The following GRIK3 variants were observed in gnomAD, a reference collection of about 807,000 sequenced individuals.
GRIK3 encodes the protein glutamate ionotropic receptor kainate type subunit 3.
Under a neutral mutation model 102.5 loss-of-function variants are expected in GRIK3, and 29 were observed. That is an observed-to-expected ratio of 0.28 (90% confidence interval 0.21 to 0.39). GRIK3 has a LOEUF of 0.39. Among genes scored for constraint, GRIK3 ranks in the 10% least tolerant of loss-of-function variants. GRIK3 has a pLI of 1.00. For synonymous variants in GRIK3, 511 were observed against 504.9 expected (o/e 1.01, Z -0.16); for missense variants, 908 against 1,252.4 (o/e 0.73, Z 4.15).
intron 1 of GRIK3, among the ~76,000 whole-genome samples, chr1:36,926,445 C>A (rs1641528708): frequency 6.6e-6 from 1 of 151,614 alleles, no homozygotes; most frequent in Non-Finnish European, 1.5e-5. Context: ...GGCTGGAGTG[C>A]AACAGTATGA....
In GRIK3 at chr1:36,959,993, C is replaced by T. The variant is rs1217264813; in HGVS notation, c.116-68897G>A. Reference sequence around the variant, plus strand: ...AGTCTATGCCCCATGAGCCTCTGTGCCCCGTGAGTCTGTGTGCCCCATAAG... The same window carrying T: ...AGTCTATGCCCCATGAGCCTCTGTGTCCCGTGAGTCTGTGTGCCCCATAAG... On this transcript the variant is annotated intron_variant, in intron 1 of 15. Transcript: ENST00000373091. Among the ~76,000 whole-genome samples, 59 of 104,986 alleles carry T rather than the reference C, an allele frequency of 5.6e-4. 6 individuals are homozygous for T. The highest frequency in any genetic ancestry group is 4.5e-4 in the Non-Finnish European group (23 of 51,060). 68.9% of individuals were successfully genotyped at this position (104,986 alleles called of 152,430 possible). A position where few individuals can be genotyped will look rare whatever the true frequency, so the allele number is the denominator to read the frequency against.
chr1:36,833,260 C>T (rs1187472750), intron 10 of GRIK3, among the ~76,000 whole-genome samples: 2 of 152,202 alleles, frequency 1.3e-5, no homozygotes, highest in Admixed American at 1.3e-4. Context: ...CTGTCCCCTG[C>T]CTGCCTCTCT....
intron 5 of GRIK3, among the ~76,000 whole-genome samples, chr1:36,865,855 AAGAGGAAAGTC>A (rs1226975004): frequency 6.6e-6 from 1 of 152,148 alleles, no homozygotes; most frequent in Non-Finnish European, 1.5e-5. Context: ...CAAATGTGTA[AAGAGGAAAGTC>A]AGAGGGCTTT....
At chr1:36,842,168 A>C (rs1372373035) in intron 9 of GRIK3, among the ~76,000 whole-genome samples, 2 of 152,180 alleles carry the variant, frequency 1.3e-5, no homozygotes, top group Non-Finnish European at 2.9e-5. Context: ...GTAGGCACTT[A>C]CTGATTTAAT....
chr1:36,953,513 C>A (rs917446800), intron 1 of GRIK3, among the ~76,000 whole-genome samples: 1 of 151,914 alleles, frequency 6.6e-6, no homozygotes, highest in Admixed American at 6.6e-5. Flanking sequence ...AGGGTGAGGG[C>A]TAGGGCATAC....
At chr1:36,931,754 C>T (rs944517433) in intron 1 of GRIK3, among the ~76,000 whole-genome samples, 1 of 152,196 alleles carries the variant, frequency 6.6e-6, no homozygotes, top group Non-Finnish European at 1.5e-5. Flanking sequence ...CACAGAGCGG[C>T]GTGTGCAGCC....
intron 9 of GRIK3, among the ~76,000 whole-genome samples, chr1:36,843,690 C>T (rs1420224268): frequency 6.6e-6 from 1 of 152,192 alleles, no homozygotes; most frequent in African/African-American, 2.4e-5. Flanking sequence ...TTCTGACTCC[C>T]CTGAGCCTCC....
intron 2 of GRIK3, among the ~76,000 whole-genome samples, chr1:36,890,123 C>A (rs1473461075): frequency 6.6e-6 from 1 of 152,058 alleles, no homozygotes; most frequent in Non-Finnish European, 1.5e-5. Context: ...CAGGGTGGGG[C>A]ACCTCTTGTC....
At chr1:36,902,870 A>T (rs537358816) in intron 1 of GRIK3, among the ~76,000 whole-genome samples, 2 of 152,098 alleles carry the variant, frequency 1.3e-5, no homozygotes, top group South Asian at 4.2e-4. Context: ...GCTCACTGCA[A>T]CCCCTGCCTC....
intron 5 of GRIK3, 66 bp downstream of exon 5, chr1:36,869,682 G>A: frequency 4.0e-6 from 5 of 1,241,550 alleles, no homozygotes; most frequent in Non-Finnish European, 3.6e-6. Context: ...CCCAGGCTAA[G>A]CCACAATGAA....
At chr1:36,861,996 C>G (rs550382258) in intron 5 of GRIK3, among the ~76,000 whole-genome samples, 1 of 152,050 alleles carries the variant, frequency 6.6e-6, no homozygotes, top group Non-Finnish European at 1.5e-5. Flanking sequence ...ATCTTCACAG[C>G]CCCCTGTGAA....
At chr1:36,853,846 AT>A in intron 7 of GRIK3, 124 bp from the exon 8 acceptor site, 1 of 654,536 alleles carries the variant, frequency 1.5e-6, no homozygotes, top group South Asian at 1.8e-5. Context: ...ACCATGATTA[AT>A]TAATAATCAC....
At chr1:36,921,027 A>T (rs952807649) in intron 1 of GRIK3, among the ~76,000 whole-genome samples, 1 of 152,206 alleles carries the variant, frequency 6.6e-6, no homozygotes, top group East Asian at 1.9e-4. Context: ...GCAAGTGCCC[A>T]TCTGGAGGTG....
At chr1:36,997,102 T>C (rs1642428331) in intron 1 of GRIK3, among the ~76,000 whole-genome samples, 1 of 151,746 alleles carries the variant, frequency 6.6e-6, no homozygotes, top group Non-Finnish European at 1.5e-5. Context: ...ACCCCAAGGG[T>C]TCAGGGAGCC....
At chr1:36,830,854 A>G (rs1395343906) in intron 10 of GRIK3, among the ~76,000 whole-genome samples, 3 of 151,466 alleles carry the variant, frequency 2.0e-5, no homozygotes, top group African/African-American at 7.3e-5. Flanking sequence ...GGATGCACAG[A>G]TACACACAGA....
chr1:36,926,548 G>A (rs748064781), intron 1 of GRIK3, among the ~76,000 whole-genome samples: 13 of 152,008 alleles, frequency 8.6e-5, no homozygotes, highest in Admixed American at 4.6e-4. Context: ...ACACCACTAT[G>A]CCTGGCTAAT....
chr1:36,913,115 C>T (rs1641363834), intron 1 of GRIK3, among the ~76,000 whole-genome samples: 1 of 152,174 alleles, frequency 6.6e-6, no homozygotes, highest in Non-Finnish European at 1.5e-5. Context: ...GGGCCATGTG[C>T]CTGGCATGAG....
intron 1 of GRIK3, among the ~76,000 whole-genome samples, chr1:36,907,193 G>A (rs1272090737): frequency 6.6e-6 from 1 of 152,070 alleles, no homozygotes; most frequent in East Asian, 1.9e-4. Flanking sequence ...TCAGGGCCTG[G>A]GTAAAGAATT....
intron 5 of GRIK3, among the ~76,000 whole-genome samples, chr1:36,860,340 T>A (rs1022457131): frequency 6.6e-5 from 10 of 152,176 alleles, no homozygotes; most frequent in Non-Finnish European, 1.2e-4. Context: ...CAGCCTCACA[T>A]GCAGAGGAAG....
Sources: gnomAD v4.1 joint callset for allele counts (sites outside exome capture counted in the v4.1 genomes callset) on GRCh38, gnomAD v4.1.1 for gene constraint, MANE v1.5 for transcripts, NCBI Gene and HGNC (gene_info 2026-07-23, HGNC 2026-07-21) for gene names.